Variants in CNTNAP2 observed in about 807,000 individuals in gnomAD.
CNTNAP2 encodes the protein contactin-associated protein-like 2.
Under a neutral mutation model 155.2 loss-of-function variants are expected in CNTNAP2, and 98 were observed. The observed-to-expected ratio is 0.63, with a 90% CI of 0.54 to 0.75. The LOEUF is 0.75. CNTNAP2 is among the 30% of genes least tolerant of loss of function. The probability of loss-of-function intolerance (pLI) is 0.00; values close to 1 mark genes in which losing one functional copy is unlikely to be tolerated. For missense variants in CNTNAP2, 1,727 were observed against 1,688.1 expected (o/e 1.02, Z -0.40); for synonymous variants, 651 against 631.2 (o/e 1.03, Z -0.47).
At chr7:148,114,794 A>T (rs962673228) in intron 15 of CNTNAP2, among the ~76,000 whole-genome samples, 1 of 152,246 alleles carries the variant, frequency 6.6e-6, no homozygotes, top group African/African-American at 2.4e-5. Flanking sequence ...AGTGTACATT[A>T]TAAAGTATAA....
intron 1 of CNTNAP2, among the ~76,000 whole-genome samples, chr7:146,408,886 G>C (rs1010547600): frequency 1.3e-5 from 2 of 151,740 alleles, no homozygotes; most frequent in African/African-American, 4.8e-5. Flanking sequence ...GAGGGTCCTT[G>C]CACTCATGTG....
At chr7:146,961,817 G>C (rs1444853922) in intron 3 of CNTNAP2, among the ~76,000 whole-genome samples, 4 of 152,108 alleles carry the variant, frequency 2.6e-5, no homozygotes. Context: ...CTCACCATCT[G>C]AAAATGAAAA....
chr7:147,298,245 T>C (rs748749827), intron 8 of CNTNAP2, among the ~76,000 whole-genome samples: 10 of 152,066 alleles, frequency 6.6e-5, no homozygotes, highest in African/African-American at 9.6e-5. Flanking sequence ...CCTGACATGG[T>C]GAAACCATGT....
intron 9 of CNTNAP2, among the ~76,000 whole-genome samples, chr7:147,347,771 C>A (rs1225659335): frequency 1.3e-5 from 2 of 151,848 alleles, no homozygotes; most frequent in African/African-American, 4.8e-5. Flanking sequence ...CGTTACCTGA[C>A]CTCAAAATAT....
chr7:147,500,816 T>C (rs556483834), intron 11 of CNTNAP2, among the ~76,000 whole-genome samples: 8 of 152,296 alleles, frequency 5.3e-5, no homozygotes, highest in African/African-American at 1.9e-4. Flanking sequence ...TCCTGATATA[T>C]AGTACATGAT....
chr7:146,945,070 G>T (rs1477006654), intron 3 of CNTNAP2, among the ~76,000 whole-genome samples: 1 of 152,108 alleles, frequency 6.6e-6, no homozygotes, highest in African/African-American at 2.4e-5. Context: ...AACATATAAA[G>T]CATTCTGTAT....
At chr7:147,635,454 CACTGTGGTTTCCTTAGAT>C (rs1795162548) in intron 12 of CNTNAP2, among the ~76,000 whole-genome samples, 1 of 151,966 alleles carries the variant, frequency 6.6e-6, no homozygotes, top group African/African-American at 2.4e-5. Flanking sequence ...ATGCTTATTG[CACTGTGGTTTCCTTAGAT>C]ACATTCCCTA....
intron 1 of CNTNAP2, among the ~76,000 whole-genome samples, chr7:146,460,329 A>G (rs1181937081): frequency 6.6e-6 from 1 of 152,144 alleles, no homozygotes; most frequent in Non-Finnish European, 1.5e-5. Context: ...GCTGGTGGGA[A>G]TGTAAATCAG....
chr7:147,017,243 A>G (rs1584785396), intron 3 of CNTNAP2, among the ~76,000 whole-genome samples: 1 of 151,762 alleles, frequency 6.6e-6, no homozygotes, highest in Admixed American at 6.6e-5. Context: ...CATTTATTTC[A>G]TATTATATTC....
At chr7:146,368,211 A>G (rs575268741) in intron 1 of CNTNAP2, among the ~76,000 whole-genome samples, 150 of 152,290 alleles carry the variant, frequency 9.8e-4, no homozygotes, top group African/African-American at 3.3e-3. Context: ...ATTTATATTC[A>G]GAATCCCAGG....
Position 148,209,776 on chromosome 7 carries a change from C to T in CNTNAP2, c.3011-7512C>T, listed in dbSNP as rs529881258. 8.5e-5 allele frequency among the ~76,000 whole-genome samples: 13 copies of T among 152,272 alleles called. No homozygotes were observed. The East Asian group carries it at 1.7e-3, about 20-fold the overall frequency. On this transcript the variant is annotated intron_variant, in intron 18 of 23. Coordinates refer to ENST00000361727, the MANE Select transcript of CNTNAP2 (RefSeq NM_014141.6). ...TGCTTAAAACCTTTCAGGAGTTACC[C>T]GTTGCTTTCTGTGTAAAAACCAAAA...
At chr7:146,749,741 TGTG>T (rs1801871442) in intron 1 of CNTNAP2, among the ~76,000 whole-genome samples, 2 of 152,202 alleles carry the variant, frequency 1.3e-5, no homozygotes, top group African/African-American at 2.4e-5. Context: ...CAAATTTAAT[TGTG>T]GTAGAAATTT....
intron 3 of CNTNAP2, among the ~76,000 whole-genome samples, chr7:146,996,769 TGATA>T (rs1357683637): frequency 1.3e-5 from 2 of 152,162 alleles, no homozygotes; most frequent in Non-Finnish European, 2.9e-5. Context: ...TGAAAGCAGA[TGATA>T]TGGTTTGGCT....
intron 13 of CNTNAP2, among the ~76,000 whole-genome samples, chr7:147,854,215 G>A (rs915942436): frequency 2.0e-5 from 3 of 152,098 alleles, no homozygotes; most frequent in Admixed American, 6.6e-5. Context: ...AAGAGTTGCC[G>A]TTATTTCACC....
chr7:147,069,525 A>G (rs780887454), intron 4 of CNTNAP2, among the ~76,000 whole-genome samples: 1 of 152,220 alleles, frequency 6.6e-6, no homozygotes, highest in African/African-American at 2.4e-5. Flanking sequence ...AATAAATTCT[A>G]TTCACGGAGA....
chr7:147,526,371 A>T (rs759074039), intron 11 of CNTNAP2, among the ~76,000 whole-genome samples: 29 of 152,122 alleles, frequency 1.9e-4, no homozygotes, highest in Non-Finnish European at 3.5e-4. Flanking sequence ...AGTTTCTGGG[A>T]TCCCTTCTGG....
chr7:146,670,820 A>G (rs1800290815), intron 1 of CNTNAP2, among the ~76,000 whole-genome samples: 1 of 152,160 alleles, frequency 6.6e-6, no homozygotes, highest in Non-Finnish European at 1.5e-5. Flanking sequence ...CCACTCCCAC[A>G]CTGGCAACTG....
At chr7:146,898,563 G>A (rs1227715455) in intron 3 of CNTNAP2, among the ~76,000 whole-genome samples, 1 of 151,826 alleles carries the variant, frequency 6.6e-6, no homozygotes, top group Non-Finnish European at 1.5e-5. Context: ...GTGTGTGTGT[G>A]TGTATGAATA....
chr7:146,952,749 C>G (rs1184857180), intron 3 of CNTNAP2, among the ~76,000 whole-genome samples: 2 of 152,154 alleles, frequency 1.3e-5, no homozygotes, highest in African/African-American at 4.8e-5. Context: ...TTAAGGAGAA[C>G]TACAAACCAC....
Sources: gnomAD v4.1 joint callset for allele counts (sites outside exome capture counted in the v4.1 genomes callset) on GRCh38, gnomAD v4.1.1 for gene constraint, MANE v1.5 for transcripts, NCBI Gene and HGNC (gene_info 2026-07-23, HGNC 2026-07-21) for gene names.